CCDC88C: variants seen among roughly 807,000 people sequenced by gnomAD.
CCDC88C encodes the protein coiled-coil and HOOK domain protein 88C.
Under a neutral mutation model 198.8 loss-of-function variants are expected in CCDC88C, and 131 were observed. The ratio of observed to expected loss-of-function variants is 0.66; its 90% CI spans 0.57 to 0.76. The LOEUF (loss-of-function observed/expected upper bound fraction) is 0.76, where lower values mean the gene tolerates loss of function less well. CCDC88C is among the 30% of genes least tolerant of loss of function. The pLI, the probability that CCDC88C is intolerant of heterozygous loss-of-function variation, is 0.00. For synonymous variants in CCDC88C, 1,166 were observed against 1,114.7 expected, an observed-to-expected ratio of 1.05 and a Z score of -0.92; for missense variants, 2,553 against 2,631.6, an observed-to-expected ratio of 0.97 and a Z score of 0.65.
rs556374414 is a variant in CCDC88C at position 91,404,674 on chromosome 14, G to A, written c.270+3985C>T. On this transcript the variant is annotated intron_variant, in intron 3 of 29. Transcript: ENST00000389857. Reference sequence around the variant, plus strand: ...AAGCTGGGAAATTTTTGAAAGTGCAGATTCCTTGGCTGGGCGCGGTGGCTC... The same window carrying A: ...AAGCTGGGAAATTTTTGAAAGTGCAAATTCCTTGGCTGGGCGCGGTGGCTC... Among the ~76,000 whole-genome samples the A allele has an allele frequency of 3.9e-5, 6 of 152,278 alleles. No individual in the cohort carries two copies. In the South Asian group the frequency reaches 1.2e-3, roughly 32 times the overall value.
In CCDC88C at chr14:91,272,618, G is replaced by A. The variant is rs1455288132; in HGVS notation, c.*7C>T. ...TTTTCAGGTTTGCGAGCTCAACCAC[G>A]AGACAGTCACACACAGCCGTACTCA... is the stretch of plus-strand genomic sequence containing the variant. On this transcript the variant is annotated 3_prime_UTR_variant, in exon 30 of 30. Coordinates refer to ENST00000389857, the MANE Select transcript of CCDC88C (RefSeq NM_001080414.4). 8 of 1,597,770 alleles carry A rather than the reference G, an allele frequency of 5.0e-6. No individual in the cohort carries two copies. Among genetic ancestry groups the A allele is most frequent in the South Asian group, 1.1e-5 (1 of 90,258 alleles).
At chr14:91,285,362 G>T (rs1156942666) in intron 25 of CCDC88C, 2 of 447,754 alleles carry the variant, frequency 4.5e-6, no homozygotes, top group African/African-American at 2.0e-5. Context: ...GCAGGTGCAA[G>T]AGACGGGAGG....
chr14:91,330,913 A>G (rs1019609761), intron 10 of CCDC88C, among the ~76,000 whole-genome samples: 2 of 152,026 alleles, frequency 1.3e-5, no homozygotes, highest in African/African-American at 2.4e-5. Context: ...AGCCCAGAGG[A>G]GAAGCAGAGG....
intron 3 of CCDC88C, among the ~76,000 whole-genome samples, chr14:91,383,079 C>G (rs1199478021): frequency 6.6e-6 from 1 of 152,230 alleles, no homozygotes; most frequent in African/African-American, 2.4e-5. Flanking sequence ...CAGTGCACCC[C>G]TTCCCAGCAC....
chr14:91,296,400 G>A (rs1891003648), intron 22 of CCDC88C, among the ~76,000 whole-genome samples: 1 of 152,252 alleles, frequency 6.6e-6, no homozygotes, highest in Non-Finnish European at 1.5e-5. Flanking sequence ...CACGGGGCCT[G>A]CGCTGCAGCC....
rs1891233318 is a variant in CCDC88C, at chr14:91,300,645, G to C, written c.3636-575C>G. Among the ~76,000 whole-genome samples the C allele has an allele frequency of 2.6e-5, 4 of 152,128 alleles. No individual in the cohort carries two copies. In the South Asian group the frequency reaches 8.3e-4, roughly 32 times the overall value. On this transcript the variant is annotated intron_variant, in intron 20 of 29. Transcript: ENST00000389857. ...GACTAGTTGTCACATACACACAGCA[G>C]CTCTCCTCAGGCGCCTTAGCCACAG...
intron 25 of CCDC88C, chr14:91,285,769 G>C: frequency 7.8e-7 from 1 of 1,289,116 alleles, no homozygotes; most frequent in Non-Finnish European, 1.0e-6. Flanking sequence ...GAGCTGGGTG[G>C]GTCGTTGGAG....
rs915584599 is a variant in CCDC88C at position 91,400,030 on chromosome 14, G to A, written c.270+8629C>T. ...TCCCTGCCAGTCAACCCCACCAGCC[G>A]CAGGCAGACATTTCCCCCGAGAAAG... On this transcript the variant is annotated intron_variant, in intron 3 of 29. Coordinates refer to ENST00000389857, the MANE Select transcript of CCDC88C (RefSeq NM_001080414.4). Among the ~76,000 whole-genome samples the A allele has an allele frequency of 5.3e-5, 8 of 151,796 alleles. No individual in the cohort carries two copies. In the East Asian group the frequency reaches 5.8e-4, roughly 11 times the overall value.
chr14:91,390,081 G>T (rs1286151171), intron 3 of CCDC88C, among the ~76,000 whole-genome samples: 2 of 147,502 alleles, frequency 1.4e-5, no homozygotes, highest in East Asian at 4.0e-4. Flanking sequence ...CAAAAAAAAA[G>T]AAAAAGAAAA....
At chr14:91,393,888 G>A (rs965984235) in intron 3 of CCDC88C, among the ~76,000 whole-genome samples, 4 of 152,190 alleles carry the variant, frequency 2.6e-5, no homozygotes, top group African/African-American at 7.2e-5. Context: ...GCTCTACTCC[G>A]TAAAATCTGA....
At chr14:91,331,482 G>C (rs1041734962) in intron 10 of CCDC88C, among the ~76,000 whole-genome samples, 2 of 152,214 alleles carry the variant, frequency 1.3e-5, no homozygotes, top group African/African-American at 4.8e-5. Context: ...GCCCCACCCC[G>C]TTCCTGGTCA....
chr14:91,368,682 T>C (rs7140681), intron 3 of CCDC88C, among the ~76,000 whole-genome samples: 15,209 of 152,018 alleles, frequency 0.1, 1,291 homozygotes, highest in African/African-American at 0.23. Flanking sequence ...TTCAGGCAGG[T>C]GGGATGCTTT....
intron 3 of CCDC88C, among the ~76,000 whole-genome samples, chr14:91,390,487 C>T (rs1395126709): frequency 6.6e-6 from 1 of 152,222 alleles, no homozygotes; most frequent in Non-Finnish European, 1.5e-5. Flanking sequence ...ATTAAAGCCT[C>T]CCATCACAGA....
chr14:91,342,492 G>C (rs559134358), intron 5 of CCDC88C, 29 bp from the exon 6 acceptor site: 2 of 1,457,642 alleles, frequency 1.4e-6, no homozygotes, highest in African/African-American at 1.4e-5. Flanking sequence ...GTTAATGGAA[G>C]CGCTGTTCAA....
chr14:91,366,153 T>TAC (rs57281083), intron 3 of CCDC88C, among the ~76,000 whole-genome samples: 9,809 of 136,300 alleles, frequency 0.072, 422 homozygotes, highest in East Asian at 0.13. Flanking sequence ...ACTTAAAAAA[T>TAC]ACACACACAC....
intron 4 of CCDC88C, among the ~76,000 whole-genome samples, chr14:91,354,583 T>C (rs1336710514): frequency 3.9e-5 from 6 of 152,156 alleles, no homozygotes; most frequent in Non-Finnish European, 5.9e-5. Context: ...TGAATCTCAC[T>C]TGACCCTGAC....
At chr14:91,384,003 G>C (rs574141685) in intron 3 of CCDC88C, among the ~76,000 whole-genome samples, 1 of 152,324 alleles carries the variant, frequency 6.6e-6, no homozygotes, top group African/African-American at 2.4e-5. Context: ...GCCACACCTG[G>C]GTACCACGGC....
chr14:91,319,836 G>A (rs550079009), intron 13 of CCDC88C, among the ~76,000 whole-genome samples: 51 of 152,118 alleles, frequency 3.4e-4, no homozygotes, highest in African/African-American at 1.2e-3. Flanking sequence ...GACCAGCCTG[G>A]CCAACATGGC....
At chr14:91,355,244 G>A (rs779356311) in intron 4 of CCDC88C, among the ~76,000 whole-genome samples, 11 of 152,248 alleles carry the variant, frequency 7.2e-5, no homozygotes, top group Admixed American at 5.2e-4. Flanking sequence ...GGGTAGACCC[G>A]GGACACCAGG....
Sources: allele counts gnomAD v4.1 joint callset (sites outside exome capture counted in the v4.1 genomes callset), GRCh38; gene constraint gnomAD v4.1.1; transcripts MANE v1.5; gene names NCBI Gene and HGNC (gene_info 2026-07-23, HGNC 2026-07-21).